Variants in C8A observed in about 807,000 individuals in gnomAD.
C8A encodes complement component C8 alpha chain.
C8A carries 67 observed loss-of-function variants against 65.3 expected under a neutral mutation model. The ratio of observed to expected loss-of-function variants is 1.03; its 90% CI spans 0.84 to 1.26. The LOEUF is 1.26. Ranked by LOEUF, C8A falls within the 50% of genes most tolerant of loss-of-function variation. The pLI is 0.00. For synonymous variants in C8A, 290 were observed against 259.4 expected (o/e 1.12, Z -1.13); for missense variants, 781 against 723.9 (o/e 1.08, Z -0.90).
At chr1:56,902,130 G>A (rs973226731) in intron 7 of C8A, among the ~76,000 whole-genome samples, 4 of 152,080 alleles carry the variant, frequency 2.6e-5, no homozygotes, top group African/African-American at 9.7e-5. Context: ...CAGGCAAACA[G>A]CCAGCCTCAG....
chr1:56,903,210 C>T (rs937155213), intron 7 of C8A, among the ~76,000 whole-genome samples: 17 of 152,242 alleles, frequency 1.1e-4, no homozygotes, highest in African/African-American at 3.4e-4. Flanking sequence ...AAAATCCCCA[C>T]GTCTCATGGG....
chr1:56,906,868 A>G, intron 8 of C8A, 76 bp downstream of exon 8: 1 of 1,575,138 alleles, frequency 6.3e-7, no homozygotes, highest in Non-Finnish European at 8.7e-7. Flanking sequence ...CATGGAAGCT[A>G]TTTTTTTTCC....
chr1:56,902,105 C>A (rs890218494), intron 7 of C8A, among the ~76,000 whole-genome samples: 3 of 152,082 alleles, frequency 2.0e-5, no homozygotes, highest in African/African-American at 7.2e-5. Context: ...CCCTTCAAAC[C>A]CTCCTGTACC....
intron 10 of C8A, 134 bp from the exon 11 acceptor site, chr1:56,917,431 T>C: frequency 1.2e-6 from 1 of 831,606 alleles, no homozygotes; most frequent in South Asian, 1.4e-5. Flanking sequence ...TCCAACAAGC[T>C]GCAGTCGACC....
Position 56,912,427 on chromosome 1 carries a change from C to T in C8A, c.1405C>T (p.Arg469Trp), listed in dbSNP as rs199713008. ...FEMQPIHEVL[R>W]HTSLGPLEAK... is the part of the protein sequence containing the mutation. Reference sequence around the variant, plus strand: ...GATGCAGCCTATCCACGAGGTGCTGCGGCACACAAGCCTGGGGCCTCTGGA... The same window carrying T: ...GATGCAGCCTATCCACGAGGTGCTGTGGCACACAAGCCTGGGGCCTCTGGA... The change falls in exon 10 of 11, where the codon CGG (arginine) becomes TGG (tryptophan). Residue 469 changes from arginine (R) to tryptophan (W), a missense_variant. Transcript: ENST00000361249. 131 of 1,614,158 alleles carry T rather than the reference C, an allele frequency of 8.1e-5. No individual in the cohort carries two copies. Among genetic ancestry groups the T allele is most frequent in the Admixed American group, 5.0e-4 (30 of 60,028 alleles).
At chr1:56,887,393 A>G (rs1644308019) in intron 7 of C8A, among the ~76,000 whole-genome samples, 1 of 152,118 alleles carries the variant, frequency 6.6e-6, no homozygotes, top group Non-Finnish European at 1.5e-5. Flanking sequence ...AATGATTACC[A>G]TTGTAACTGG....
At chr1:56,863,560 G>T (rs1644054799) in intron 1 of C8A, among the ~76,000 whole-genome samples, 1 of 152,144 alleles carries the variant, frequency 6.6e-6, no homozygotes, top group Admixed American at 6.6e-5. Context: ...TGTGTAGTGA[G>T]ATGCAGAAAT....
chr1:56,912,743 G>T (rs1644519814), intron 10 of C8A, 118 bp downstream of exon 10: 1 of 828,606 alleles, frequency 1.2e-6, no homozygotes, highest in South Asian at 1.5e-5. Flanking sequence ...CAATACCTAG[G>T]AGCCACCCTT....
chr1:56,912,326 C>G, intron 9 of C8A, 77 bp from the exon 10 acceptor site: 1 of 1,391,856 alleles, frequency 7.2e-7, no homozygotes, highest in South Asian at 1.2e-5. Flanking sequence ...CTTCCAGAAG[C>G]TTGGTGGCCG....
chr1:56,871,577 A>G (rs1644147609), intron 2 of C8A, among the ~76,000 whole-genome samples: 1 of 152,230 alleles, frequency 6.6e-6, no homozygotes. Flanking sequence ...AGAGATGTTA[A>G]GTAGTTGACC....
At chr1:56,900,054 T>C (rs565975540) in intron 7 of C8A, among the ~76,000 whole-genome samples, 11 of 152,182 alleles carry the variant, frequency 7.2e-5, no homozygotes, top group Non-Finnish European at 1.6e-4. Context: ...CCTTATCAAG[T>C]AGGAGGAAGA....
rs1644493291 is a variant in C8A at position 56,909,946 on chromosome 1, T to C, written c.1380+1833T>C. 2.6e-5 allele frequency among the ~76,000 whole-genome samples: 4 copies of C among 152,194 alleles called. No homozygotes were observed. The South Asian group carries it at 6.2e-4, about 24-fold the overall frequency. Reference sequence around the variant, plus strand: ...ACATCCTCAGTCTCTTCACAACTCATGTTGCCCCCTGAGAAGTTCGGACTC... The same window carrying C: ...ACATCCTCAGTCTCTTCACAACTCACGTTGCCCCCTGAGAAGTTCGGACTC... On this transcript the variant is annotated intron_variant, in intron 9 of 10. Coordinates refer to ENST00000361249, the MANE Select transcript of C8A (RefSeq NM_000562.3).
chr1:56,864,217 C>T (rs531550716), intron 1 of C8A, among the ~76,000 whole-genome samples: 8 of 152,152 alleles, frequency 5.3e-5, no homozygotes, highest in African/African-American at 1.9e-4. Flanking sequence ...ATGAAAGATA[C>T]ATAGGAATTA....
intron 8 of C8A, among the ~76,000 whole-genome samples, chr1:56,907,660 G>GAATA (rs1644476328): frequency 6.6e-6 from 1 of 151,928 alleles, no homozygotes; most frequent in South Asian, 2.1e-4. Context: ...TTTGATGTAA[G>GAATA]AATGAATGAG....
At chr1:56,869,471 C>T (rs1644121925) in intron 2 of C8A, among the ~76,000 whole-genome samples, 1 of 152,146 alleles carries the variant, frequency 6.6e-6, no homozygotes, top group South Asian at 2.1e-4. Flanking sequence ...AATTGTGCTG[C>T]TATAAACATG....
chr1:56,870,821 TA>T (rs1475888242), intron 2 of C8A, among the ~76,000 whole-genome samples: 1 of 152,198 alleles, frequency 6.6e-6, no homozygotes, highest in East Asian at 1.9e-4. Flanking sequence ...TTCTGTTAAT[TA>T]GGTGAAAGAC....
chr1:56,913,251 C>T (rs192817208), intron 10 of C8A, among the ~76,000 whole-genome samples: 1 of 152,350 alleles, frequency 6.6e-6, no homozygotes, highest in East Asian at 1.9e-4. Context: ...TGCAAAGATC[C>T]TATTTCCAAA....
At chr1:56,883,895 G>T (rs539624597) in intron 6 of C8A, among the ~76,000 whole-genome samples, 11 of 149,426 alleles carry the variant, frequency 7.4e-5, no homozygotes, top group Admixed American at 4.9e-4. Flanking sequence ...ATAAGACTAG[G>T]ACTCTTATCA....
intron 1 of C8A, among the ~76,000 whole-genome samples, chr1:56,864,804 C>A (rs1271026832): frequency 6.6e-6 from 1 of 152,128 alleles, no homozygotes; most frequent in Non-Finnish European, 1.5e-5. Context: ...AAAGTGTGTT[C>A]TTTAGACCCC....
Sources: gnomAD v4.1 joint callset for allele counts (sites outside exome capture counted in the v4.1 genomes callset) on GRCh38, gnomAD v4.1.1 for gene constraint, MANE v1.5 for transcripts, NCBI Gene and HGNC (gene_info 2026-07-23, HGNC 2026-07-21) for gene names.